The following SPATA6 variants were observed in gnomAD, a reference collection of about 807,000 sequenced individuals.
The protein encoded by SPATA6 is spermatogenesis-associated protein 6.
A neutral mutation model predicts 65.3 loss-of-function variants in SPATA6; 56 were observed. The observed-to-expected ratio is 0.86, with a 90% CI of 0.69 to 1.07. SPATA6 has a LOEUF of 1.07. Ranked by LOEUF, SPATA6 falls within the 50% of genes least tolerant of loss-of-function variation. The probability of loss-of-function intolerance (pLI) is 0.00; values close to 1 mark genes in which losing one functional copy is unlikely to be tolerated. For missense variants in SPATA6, 590 were observed against 594.8 expected, an observed-to-expected ratio of 0.99 and a Z score of 0.08; for synonymous variants, 199 against 213.2, an observed-to-expected ratio of 0.93 and a Z score of 0.58.
chr1:48,353,068 A>G (rs1242151910), intron 11 of SPATA6, among the ~76,000 whole-genome samples: 1 of 151,960 alleles, frequency 6.6e-6, no homozygotes, highest in Non-Finnish European at 1.5e-5. Context: ...AAGGAAAACA[A>G]TTCTAGAACC....
intron 9 of SPATA6, among the ~76,000 whole-genome samples, chr1:48,378,090 TATGTA>T (rs1648129984): frequency 6.6e-6 from 1 of 152,170 alleles, no homozygotes; most frequent in Non-Finnish European, 1.5e-5. Context: ...ATTTAACTGT[TATGTA>T]ATTAAAAACT....
the SPATA6 span, among the ~76,000 whole-genome samples, chr1:48,274,884 T>C: frequency 6.6e-6 from 1 of 152,216 alleles, no homozygotes; most frequent in African/African-American, 2.4e-5. Context: ...AGAAAGTCAA[T>C]GGTAGCTTGA....
chr1:48,266,857 A>G, the SPATA6 span, among the ~76,000 whole-genome samples: 1 of 152,168 alleles, frequency 6.6e-6, no homozygotes, highest in Non-Finnish European at 1.5e-5. Flanking sequence ...GGAATGTATT[A>G]TATGTGAGCC....
chr1:48,278,109 G>T, the SPATA6 span, among the ~76,000 whole-genome samples: 1 of 152,202 alleles, frequency 6.6e-6, no homozygotes, highest in Non-Finnish European at 1.5e-5. Flanking sequence ...CAACAGACCT[G>T]CAGCTGAGGG....
At chr1:48,273,426 G>C in the SPATA6 span, among the ~76,000 whole-genome samples, 1 of 152,028 alleles carries the variant, frequency 6.6e-6, no homozygotes, top group Non-Finnish European at 1.5e-5. Flanking sequence ...ACGTACCATG[G>C]TGGTTTACTG....
chr1:48,298,713 T>A lies in SPATA6; in HGVS notation c.1467A>T (p.Ter489CysextTer4). Residue 489 changes from the stop codon to cysteine, a stop_lost, in exon 13 of 13, where the codon TGA becomes TGT. Transcript: ENST00000371847. ...SSASHTQESF[*>C] is the part of the protein sequence containing the mutation. Reference sequence around the variant, plus strand: ...CTAATGAGGTTTATCATGGATGGTCTCAGAAGCTTTCCTGTGTATGTGAAG... The same window carrying A: ...CTAATGAGGTTTATCATGGATGGTCACAGAAGCTTTCCTGTGTATGTGAAG... 6.2e-7 allele frequency: 1 copy of A among 1,611,306 alleles called. No individual in the cohort carries two copies. The highest frequency in any genetic ancestry group is 8.5e-7 in the Non-Finnish European group (1 of 1,178,626).
chr1:48,325,646 T>A lies in SPATA6; in HGVS notation c.1195-19768A>T, dbSNP rs189105057. The A allele has an allele frequency of 5.6e-4, 374 of 665,994 alleles. 2 individuals carry two copies. The Middle Eastern group carries it at 0.013, about 23-fold the overall frequency. The allele number at this position is 665,994 out of a possible 1,614,324, so 41.3% of individuals were successfully genotyped here. ...CTATGTCAGGTTATCAAGCTTAGTT[T>A]CCTCCTCTGGAAGCCCCAGTAAGCC... On this transcript the variant is annotated intron_variant, in intron 11 of 12. Coordinates refer to ENST00000371847, the MANE Select transcript of SPATA6 (RefSeq NM_019073.4).
At chr1:48,304,139 A>C (rs1645003542) in intron 12 of SPATA6, among the ~76,000 whole-genome samples, 1 of 152,190 alleles carries the variant, frequency 6.6e-6, no homozygotes, top group South Asian at 2.1e-4. Flanking sequence ...CTTGAGGATA[A>C]AACTAAAATA....
chr1:48,311,947 A>G (rs1570043538), intron 11 of SPATA6, among the ~76,000 whole-genome samples: 1 of 152,188 alleles, frequency 6.6e-6, no homozygotes, highest in African/African-American at 2.4e-5. Context: ...GGAGGGTCCT[A>G]CGCCCACGGA....
rs571304316 is a variant in SPATA6 at position 48,340,339 on chromosome 1, C to T, written c.1194+15331G>A. On this transcript the variant is annotated intron_variant, in intron 11 of 12. Transcript: ENST00000371847. ...AAACAGAATCCAAAAACAAAGATCA[C>T]CAAAAAAGATAAGTAAGTAAATATA... Among the ~76,000 whole-genome samples, 12 of 143,260 alleles carry T rather than the reference C, an allele frequency of 8.4e-5. No individual in the cohort carries two copies. In the South Asian group the frequency reaches 2.6e-3, roughly 32 times the overall value. The allele number at this position is 143,260 out of a possible 152,430, so 94.0% of individuals were successfully genotyped here.
chr1:48,413,060 C>T (rs1652409093), intron 4 of SPATA6, 50 bp downstream of exon 4: 1 of 558,432 alleles, frequency 1.8e-6, no homozygotes, highest in African/African-American at 2.0e-5. Flanking sequence ...TTATATATTA[C>T]ATCAATTTAT....
At chr1:48,414,326 C>T (rs1341866901) in intron 3 of SPATA6, among the ~76,000 whole-genome samples, 1 of 152,164 alleles carries the variant, frequency 6.6e-6, no homozygotes, top group Non-Finnish European at 1.5e-5. Flanking sequence ...TACGTCAGAG[C>T]ATTCCATTCT....
At chr1:48,444,600 CCAAA>C (rs1441662464) in intron 3 of SPATA6, among the ~76,000 whole-genome samples, 1 of 152,152 alleles carries the variant, frequency 6.6e-6, no homozygotes, top group African/African-American at 2.4e-5. Context: ...GTAACATGGA[CCAAA>C]CAGAAGGACA....
At chr1:48,370,697 G>T (rs1293769989) in intron 9 of SPATA6, among the ~76,000 whole-genome samples, 3 of 152,152 alleles carry the variant, frequency 2.0e-5, no homozygotes, top group Non-Finnish European at 4.4e-5. Context: ...AACCTTATAA[G>T]GTAGACGTTT....
chr1:48,415,930 C>T (rs529455561), intron 3 of SPATA6, among the ~76,000 whole-genome samples: 10 of 152,246 alleles, frequency 6.6e-5, no homozygotes, highest in African/African-American at 1.9e-4. Flanking sequence ...GCGCCAGGCA[C>T]GGTGGCTCAC....
At chr1:48,403,981 G>A (rs536923264) in intron 5 of SPATA6, 99 bp from the exon 6 acceptor site, 2 of 795,328 alleles carry the variant, frequency 2.5e-6, no homozygotes, top group Non-Finnish European at 3.9e-6. Flanking sequence ...ACCTGTCAAA[G>A]TTCAGCTGTT....
At chr1:48,266,827 C>G in the SPATA6 span, among the ~76,000 whole-genome samples, 2 of 152,118 alleles carry the variant, frequency 1.3e-5, no homozygotes, top group Non-Finnish European at 2.9e-5. Context: ...AAAACACATT[C>G]TTTATGCAGC....
chr1:48,283,647 C>T, the SPATA6 span, among the ~76,000 whole-genome samples: 5 of 82,840 alleles, frequency 6.0e-5, no homozygotes, highest in Non-Finnish European at 1.2e-4. Flanking sequence ...CCACTGCAAT[C>T]TAGCCTGGGT....
At chr1:48,293,117 CCTT>C (rs1020494039), downstream of SPATA6, among the ~76,000 whole-genome samples, 1 of 152,196 alleles carries the variant, frequency 6.6e-6, no homozygotes, top group African/African-American at 2.4e-5. Flanking sequence ...TGCCCTCTGT[CCTT>C]CTTTATTCCT....
Sources: allele counts gnomAD v4.1 joint callset (sites outside exome capture counted in the v4.1 genomes callset), GRCh38; gene constraint gnomAD v4.1.1; transcripts MANE v1.5; gene names NCBI Gene and HGNC (gene_info 2026-07-23, HGNC 2026-07-21).